Variants in DLGAP2 observed in about 807,000 individuals in gnomAD.
DLGAP2 encodes DLG associated protein 2.
A neutral mutation model predicts 100.3 loss-of-function variants in DLGAP2; 26 were observed. The ratio of observed to expected loss-of-function variants is 0.26; its 90% confidence interval spans 0.19 to 0.36. DLGAP2 has a LOEUF of 0.36. DLGAP2 is among the 10% of genes least tolerant of loss of function. The probability of loss-of-function intolerance (pLI) is 1.00; values close to 1 mark genes in which losing one functional copy is unlikely to be tolerated. For synonymous variants in DLGAP2, 886 were observed against 630.1 expected (o/e 1.41, Z -6.08); for missense variants, 1,858 against 1,453.2 (o/e 1.28, Z -4.53).
intron 2 of DLGAP2, among the ~76,000 whole-genome samples, chr8:909,941 G>T (rs948426641): frequency 1.3e-5 from 2 of 152,198 alleles, no homozygotes; most frequent in African/African-American, 4.8e-5. Flanking sequence ...TTGCATTTCA[G>T]TGGCATATAA....
intron 2 of DLGAP2, among the ~76,000 whole-genome samples, chr8:1,048,576 G>A (rs993860314): frequency 2.6e-5 from 4 of 151,636 alleles, no homozygotes; most frequent in African/African-American, 9.7e-5. Context: ...TGTTTAACTA[G>A]CAAAGTACAA....
intron 2 of DLGAP2, among the ~76,000 whole-genome samples, chr8:1,170,505 T>C (rs912571280): frequency 1.3e-5 from 2 of 151,732 alleles, no homozygotes; most frequent in Non-Finnish European, 2.9e-5. Flanking sequence ...TGTGAATCCA[T>C]CTGGTCCTGG....
chr8:1,023,772 G>T (rs1401053403), intron 2 of DLGAP2, among the ~76,000 whole-genome samples: 2 of 151,790 alleles, frequency 1.3e-5, no homozygotes, highest in Non-Finnish European at 2.9e-5. Flanking sequence ...CAGCGAGATG[G>T]GGCATTCCCG....
intron 2 of DLGAP2, among the ~76,000 whole-genome samples, chr8:1,148,873 T>C (rs191478181): frequency 3.4e-4 from 52 of 152,346 alleles, no homozygotes; most frequent in South Asian, 1.0e-3. Flanking sequence ...ATGTTTTGTG[T>C]GTACTTAAAA....
At chr8:1,344,995 A>C (rs912723023) in intron 3 of DLGAP2, among the ~76,000 whole-genome samples, 9 of 152,242 alleles carry the variant, frequency 5.9e-5, no homozygotes, top group Non-Finnish European at 1.2e-4. Flanking sequence ...CACTTTCAAT[A>C]AAAGTCCTTC....
chr8:1,096,191 A>G (rs1177110653), intron 2 of DLGAP2, among the ~76,000 whole-genome samples: 2 of 152,168 alleles, frequency 1.3e-5, no homozygotes, highest in African/African-American at 4.8e-5. Context: ...CTGACTTTCC[A>G]TGGTTGCTGC....
chr8:988,601 C>T (rs1800554800), intron 2 of DLGAP2, among the ~76,000 whole-genome samples: 1 of 152,302 alleles, frequency 6.6e-6, no homozygotes, highest in Non-Finnish European at 1.5e-5. Context: ...CTCCTCCCTT[C>T]CAGGGTCTGA....
At chr8:1,052,083 T>C (rs923242231) in intron 2 of DLGAP2, among the ~76,000 whole-genome samples, 2 of 152,188 alleles carry the variant, frequency 1.3e-5, no homozygotes, top group Non-Finnish European at 1.5e-5. Context: ...AACTGCACAC[T>C]GACGTTGTTC....
Position 1,586,503 on chromosome 8 carries a change from G to A in DLGAP2, c.1442+20609G>A, listed in dbSNP as rs549470502. Among the ~76,000 whole-genome samples, 5 of 152,256 alleles carry A rather than the reference G, an allele frequency of 3.3e-5. No individual in the cohort carries two copies. The South Asian group carries it at 8.3e-4, about 25-fold the overall frequency. ...TTTCAATGCTCCTGCGCTGAGAGGG[G>A]GCCTGCCTGGGTCATCAGGAGATTC... On this transcript the variant is annotated intron_variant, in intron 6 of 14. Transcript: ENST00000637795.
intron 3 of DLGAP2, among the ~76,000 whole-genome samples, chr8:1,441,798 T>TATTTA (rs937305342): frequency 3.4e-5 from 5 of 145,876 alleles, no homozygotes; most frequent in Non-Finnish European, 5.9e-5. Context: ...TTTTTTTTTT[T>TATTTA]ATTTAATTTA....
At chr8:1,426,607 T>C (rs1797242170) in intron 3 of DLGAP2, among the ~76,000 whole-genome samples, 1 of 152,134 alleles carries the variant, frequency 6.6e-6, no homozygotes, top group South Asian at 2.1e-4. Context: ...CCTGGACAGA[T>C]GATGTGAAAC....
chr8:860,085 A>T (rs1194397731), intron 1 of DLGAP2, among the ~76,000 whole-genome samples: 1 of 152,230 alleles, frequency 6.6e-6, no homozygotes, highest in Non-Finnish European at 1.5e-5. Context: ...TTTCCAAATT[A>T]AAGAAATAAG....
At chr8:1,621,956 G>T (rs1168048245) in intron 6 of DLGAP2, 1 of 152,150 alleles carries the variant, frequency 6.6e-6, no homozygotes, top group Non-Finnish European at 1.5e-5. Flanking sequence ...CTCCTGCAAG[G>T]GCACAGAAAG....
intron 2 of DLGAP2, among the ~76,000 whole-genome samples, chr8:1,237,406 C>T (rs1585178624): frequency 1.5e-5 from 1 of 68,964 alleles, no homozygotes; most frequent in Non-Finnish European, 2.7e-5. Context: ...TGTCTAGTTA[C>T]CTATCACATG....
chr8:1,562,654 G>T (rs1802216603), intron 5 of DLGAP2, among the ~76,000 whole-genome samples: 1 of 63,736 alleles, frequency 1.6e-5, no homozygotes, highest in Non-Finnish European at 3.0e-5. Flanking sequence ...TCGTTGCTGG[G>T]GGACTGTGTG....
chr8:1,669,634 C>A, intron 9 of DLGAP2, 109 bp from the exon 10 acceptor site: 1 of 757,302 alleles, frequency 1.3e-6, no homozygotes, highest in Non-Finnish European at 2.5e-6. Flanking sequence ...GAGCCGGGCC[C>A]GTGCGGCGCT....
intron 2 of DLGAP2, among the ~76,000 whole-genome samples, chr8:1,082,424 A>C (rs1041931092): frequency 2.6e-5 from 4 of 152,232 alleles, no homozygotes; most frequent in Non-Finnish European, 4.4e-5. Context: ...GGGGCAGCCA[A>C]CACGGGATAC....
At chr8:748,222 G>C (rs565671060) in intron 1 of DLGAP2, among the ~76,000 whole-genome samples, 5 of 105,324 alleles carry the variant, frequency 4.7e-5, no homozygotes, top group Non-Finnish European at 5.7e-5. Context: ...GGATGAGCGG[G>C]TCTGCGGTGG....
At chr8:1,274,447 A>C (rs1799642807) in intron 3 of DLGAP2, among the ~76,000 whole-genome samples, 1 of 149,092 alleles carries the variant, frequency 6.7e-6, no homozygotes, top group Non-Finnish European at 1.5e-5. Flanking sequence ...ATAAACCATA[A>C]AATGAGTGAC....
Sources: allele counts gnomAD v4.1 joint callset (sites outside exome capture counted in the v4.1 genomes callset), GRCh38; gene constraint gnomAD v4.1.1; transcripts MANE v1.5; gene names NCBI Gene and HGNC (gene_info 2026-07-23, HGNC 2026-07-21).